Variants in OS9 observed in about 807,000 individuals in gnomAD.
OS9 encodes the protein protein OS-9.
Under a neutral mutation model 84.7 loss-of-function variants are expected in OS9, and 58 were observed. The observed-to-expected ratio is 0.68, with a 90% CI of 0.55 to 0.85. OS9 has a LOEUF of 0.85. OS9 is among the 40% of genes least tolerant of loss of function. OS9 has a pLI of 0.00. For synonymous variants in OS9, 278 were observed against 320.8 expected (o/e 0.87, Z 1.43); for missense variants, 760 against 850.9 (o/e 0.89, Z 1.33).
chr12:57,695,520 G>T (rs1271896263), intron 2 of OS9: 1 of 670,408 alleles, frequency 1.5e-6, no homozygotes, highest in African/African-American at 1.8e-5. Flanking sequence ...GGGCAAATAA[G>T]GATTTAAAAA....
At position 57,720,411 on chromosome 12, in the gene OS9, A is replaced by G. The variant is rs1227355162; in HGVS notation, c.1771A>G (p.Ile591Val). The change falls in exon 14 of 15, where the codon ATT (isoleucine) becomes GTT (valine). Residue 591 changes from isoleucine (I) to valine (V), a missense_variant. Transcript: ENST00000315970. ...TGCATACTGCTCCTTTCCAGGGAAAATTGAGATCAAAATTGTCCGCCCATG... is the reference window on the plus strand; with the variant it reads ...TGCATACTGCTCCTTTCCAGGGAAAGTTGAGATCAAAATTGTCCGCCCATG... ...EREGLTAAGK[I>V]EIKIVRPWAE... 6.2e-7 allele frequency: 1 copy of G among 1,613,466 alleles called. No individual in the cohort carries two copies. Among genetic ancestry groups the G allele is most frequent in the African/African-American group, 1.3e-5 (1 of 74,938 alleles).
intron 5 of OS9, among the ~76,000 whole-genome samples, chr12:57,714,951 CCAAT>C (rs1438653219): frequency 2.0e-5 from 3 of 152,132 alleles, no homozygotes; most frequent in African/African-American, 7.2e-5. Flanking sequence ...TTATCAAAGG[CCAAT>C]CAATCTCTTT....
At chr12:57,708,625 CA>C (rs150314356) in intron 5 of OS9, among the ~76,000 whole-genome samples, 4,004 of 117,410 alleles carry the variant, frequency 0.034, 111 homozygotes, top group African/African-American at 0.094. Context: ...GACACTGTCT[CA>C]AAAAAAAAAA....
At chr12:57,701,885 C>A (rs1251810366) in intron 5 of OS9, among the ~76,000 whole-genome samples, 2 of 152,104 alleles carry the variant, frequency 1.3e-5, no homozygotes, top group Non-Finnish European at 2.9e-5. Context: ...CAACCTCCGC[C>A]TCCCAGGATC....
rs1325002815 is a variant in OS9, at chr12:57,720,969, C to T, written c.*60C>T. 1 of 1,581,008 alleles carries T rather than the reference C, an allele frequency of 6.3e-7. No individual in the cohort carries two copies. The highest frequency in any genetic ancestry group is 1.1e-5 in the South Asian group (1 of 89,514). On this transcript the variant is annotated 3_prime_UTR_variant, in exon 15 of 15. Coordinates refer to ENST00000315970, the MANE Select transcript of OS9 (RefSeq NM_006812.4). ...GACTCTTCCTGGACTGGCTTGCCTC[C>T]TCCCCACCTCCCCACCCTGGAACCC...
At chr12:57,695,047 G>T in intron 2 of OS9, 121 bp downstream of exon 2, 1 of 775,280 alleles carries the variant, frequency 1.3e-6, no homozygotes. Context: ...ACCACTGGAG[G>T]AGTAGACAGA....
rs927904486 is a variant in OS9 at position 57,694,183 on chromosome 12, T to C, written c.22T>C (p.Ser8Pro). 1 of 1,614,182 alleles carries C rather than the reference T, an allele frequency of 6.2e-7. No individual in the cohort carries two copies. The highest frequency in any genetic ancestry group is 8.5e-7 in the Non-Finnish European group (1 of 1,180,012). ...AAAGATGGCGGCGGAAACGCTGCTG[T>C]CCAGTTTGTTAGGACTGCTGCTTCT... Reference protein sequence around the residue: MAAETLLSSLLGLLLLGL... With the variant: MAAETLLPSLLGLLLLGL... Residue 8 changes from serine (S) to proline (P), a missense_variant, in exon 1 of 15, where the codon TCC (serine) becomes CCC (proline). Ser to Pro is a moderately conservative substitution (Grantham distance 74). Transcript: ENST00000315970.
In OS9 at chr12:57,702,037, C is replaced by T. The variant is rs554661483; in HGVS notation, c.579+5664C>T. Reference sequence around the variant, plus strand: ...GTCTTGAACTCCTTACATTGTGATCCGTCCACCTTGGCCTCCCAAAGTGCT... The same window carrying T: ...GTCTTGAACTCCTTACATTGTGATCTGTCCACCTTGGCCTCCCAAAGTGCT... On this transcript the variant is annotated intron_variant, in intron 5 of 14. Transcript: ENST00000315970. 1.6e-4 allele frequency among the ~76,000 whole-genome samples: 24 copies of T among 152,136 alleles called. No homozygotes were observed. The East Asian group carries it at 3.1e-3, about 20-fold the overall frequency.
chr12:57,694,895 G>A lies in OS9; in HGVS notation c.308G>A (p.Ser103Asn). 6.2e-7 allele frequency: 1 copy of A among 1,614,174 alleles called. No homozygotes were observed. Among genetic ancestry groups the A allele is most frequent in the South Asian group, 1.1e-5 (1 of 91,084 alleles). ...YQGPGIPELLSPMRDAPCLLK... is the reference protein window; with the variant it reads ...YQGPGIPELLNPMRDAPCLLK... Reference sequence around the variant, plus strand: ...GGGCCTGGGATCCCTGAGTTGTTGAGCCCAATGAGAGATGCTCCCTGCTTG... The same window carrying A: ...GGGCCTGGGATCCCTGAGTTGTTGAACCCAATGAGAGATGCTCCCTGCTTG... The change falls in exon 2 of 15, where the codon AGC (serine) becomes AAC (asparagine). Residue 103 changes from serine (S) to asparagine (N), a missense_variant. Coordinates refer to ENST00000315970, the MANE Select transcript of OS9 (RefSeq NM_006812.4).
In OS9 at chr12:57,721,095, A is replaced by G; in HGVS notation, c.*186A>G. 4 of 596,466 alleles carry G rather than the reference A, an allele frequency of 6.7e-6. No individual in the cohort carries two copies. In the South Asian group the frequency reaches 7.8e-5, roughly 12 times the overall value. The allele number at this position is 596,466 out of a possible 1,614,324, so 36.9% of individuals were successfully genotyped here. Reference sequence around the variant, plus strand: ...AATGCTGCTGCCCCTGCTGGCAGCCACCTTGAGACCTCACCGGGCCTGTGA... The same window carrying G: ...AATGCTGCTGCCCCTGCTGGCAGCCGCCTTGAGACCTCACCGGGCCTGTGA... On this transcript the variant is annotated 3_prime_UTR_variant, in exon 15 of 15. Transcript: ENST00000315970.
Position 57,718,643 on chromosome 12 carries a change from G to A in OS9, c.1410+222G>A, listed in dbSNP as rs1375813360. On this transcript the variant is annotated intron_variant, in intron 11 of 14. Coordinates refer to ENST00000315970, the MANE Select transcript of OS9 (RefSeq NM_006812.4). Reference sequence around the variant, plus strand: ...TCTCTGGCCAGGCGCGGTGGCTCACGCCTGTAATCCCAGCACTTTGGGAGG... The same window carrying A: ...TCTCTGGCCAGGCGCGGTGGCTCACACCTGTAATCCCAGCACTTTGGGAGG... Among the ~76,000 whole-genome samples the A allele has an allele frequency of 3.3e-5, 5 of 152,140 alleles. No individual in the cohort carries two copies. The East Asian group carries it at 7.7e-4, about 23-fold the overall frequency.
chr12:57,694,138 T>C lies in OS9; in HGVS notation c.-24T>C. On this transcript the variant is annotated 5_prime_UTR_variant, in exon 1 of 15. Coordinates refer to ENST00000315970, the MANE Select transcript of OS9 (RefSeq NM_006812.4). ...CCTGGCTTAGGGCGGAAACAGATTC[T>C]CTGCATAAGAAGGGGAACGAAAGAT... 2 of 1,613,782 alleles carry C rather than the reference T, an allele frequency of 1.2e-6. No homozygotes were observed. The highest frequency in any genetic ancestry group is 1.7e-6 in the Non-Finnish European group (2 of 1,179,696).
chr12:57,696,699 G>A (rs2140288183), intron 5 of OS9, among the ~76,000 whole-genome samples: 1 of 152,142 alleles, frequency 6.6e-6, no homozygotes, highest in African/African-American at 2.4e-5. Context: ...GGGAGGCTGA[G>A]ACAGGAGAAT....
At chr12:57,696,468 G>A (rs1255533456) in intron 5 of OS9, 95 bp downstream of exon 5, 3 of 499,140 alleles carry the variant, frequency 6.0e-6, no homozygotes, top group South Asian at 5.2e-5. Context: ...GGGGGCGGGG[G>A]GGGTCCCCTC....
intron 5 of OS9, among the ~76,000 whole-genome samples, chr12:57,696,601 GC>G (rs1953853037): frequency 1.3e-5 from 2 of 151,916 alleles, no homozygotes; most frequent in Non-Finnish European, 1.5e-5. Flanking sequence ...TTCAAGACCA[GC>G]CTGACCAATA....
chr12:57,713,473 C>A lies in OS9; in HGVS notation c.580-2287C>A, dbSNP rs370699774. Among the ~76,000 whole-genome samples the A allele has an allele frequency of 5.3e-5, 8 of 152,256 alleles. No homozygotes were observed. In the South Asian group the frequency reaches 1.7e-3, roughly 32 times the overall value. ...AACCTCCACTCTCTGAGCAAGCTTCCGTGAGGGCAATCAGGGCCCCGATAC... is the reference window on the plus strand; with the variant it reads ...AACCTCCACTCTCTGAGCAAGCTTCAGTGAGGGCAATCAGGGCCCCGATAC... On this transcript the variant is annotated intron_variant, in intron 5 of 14. Coordinates refer to ENST00000315970, the MANE Select transcript of OS9 (RefSeq NM_006812.4).
intron 5 of OS9, among the ~76,000 whole-genome samples, chr12:57,709,870 T>C (rs1460834914): frequency 1.3e-5 from 2 of 152,136 alleles, no homozygotes; most frequent in African/African-American, 4.8e-5. Flanking sequence ...ACTTTTTTTT[T>C]GAGACAGAGT....
chr12:57,706,621 G>A (rs1490006872), intron 5 of OS9, among the ~76,000 whole-genome samples: 1 of 152,002 alleles, frequency 6.6e-6, no homozygotes, highest in Non-Finnish European at 1.5e-5. Flanking sequence ...GGAGGCCAAG[G>A]CAGGAAGATT....
chr12:57,696,208 C>T (rs1393776620), intron 4 of OS9, 67 bp from the exon 5 acceptor site: 32 of 1,355,836 alleles, frequency 2.4e-5, no homozygotes, highest in Admixed American at 5.4e-5. Context: ...TCTTTGGGGA[C>T]GCAGTGCCAT....
Sources: allele counts gnomAD v4.1 joint callset (sites outside exome capture counted in the v4.1 genomes callset), GRCh38; gene constraint gnomAD v4.1.1; transcripts MANE v1.5; gene names NCBI Gene and HGNC (gene_info 2026-07-23, HGNC 2026-07-21).